GPC5: variants seen among roughly 807,000 people sequenced by gnomAD.
GPC5 encodes glypican 5.
In GPC5, 47 loss-of-function variants were observed where a neutral mutation model predicts 53.9. The ratio of observed to expected loss-of-function variants is 0.87; its 90% CI spans 0.69 to 1.11. The LOEUF is 1.11. Among genes scored for constraint, GPC5 ranks in the 50% most tolerant of loss-of-function variants. The probability of loss-of-function intolerance (pLI) is 0.00; values close to 1 mark genes in which losing one functional copy is unlikely to be tolerated. For missense variants in GPC5, 748 were observed against 713.1 expected (o/e 1.05, Z -0.56); for synonymous variants, 286 against 263.3 (o/e 1.09, Z -0.84).
At chr13:91,738,306 A>G (rs2036856587) in intron 4 of GPC5, among the ~76,000 whole-genome samples, 1 of 151,358 alleles carries the variant, frequency 6.6e-6, no homozygotes, top group Non-Finnish European at 1.5e-5. Context: ...AAAAAGTTAT[A>G]TTTTGGGGTG....
At chr13:92,037,994 G>A (rs533331763) in intron 6 of GPC5, among the ~76,000 whole-genome samples, 2 of 152,168 alleles carry the variant, frequency 1.3e-5, no homozygotes, top group East Asian at 3.9e-4. Context: ...CCGTGATAAG[G>A]GTAGATACAG....
intron 3 of GPC5, among the ~76,000 whole-genome samples, chr13:91,694,780 C>A (rs369568304): frequency 1.7e-4 from 26 of 152,124 alleles, no homozygotes; most frequent in African/African-American, 5.8e-4. Context: ...TAGCTTTAAG[C>A]AGAAAATTTT....
intron 2 of GPC5, among the ~76,000 whole-genome samples, chr13:91,534,789 G>C (rs1442692428): frequency 1.3e-5 from 2 of 151,892 alleles, no homozygotes; most frequent in African/African-American, 2.4e-5. Context: ...TTGTTTGTTT[G>C]TTTGTTTTGT....
At chr13:91,566,000 T>G (rs1307173059) in intron 2 of GPC5, among the ~76,000 whole-genome samples, 1 of 152,190 alleles carries the variant, frequency 6.6e-6, no homozygotes, top group East Asian at 1.9e-4. Flanking sequence ...GTTTGTCTTT[T>G]CTTTTAATTA....
chr13:92,347,637 T>C (rs1027054836), intron 7 of GPC5, among the ~76,000 whole-genome samples: 1 of 150,494 alleles, frequency 6.6e-6, no homozygotes, highest in Non-Finnish European at 1.5e-5. Context: ...ATATTCAGAA[T>C]ACTGAAGTAC....
At chr13:92,676,511 G>A (rs776108351) in intron 7 of GPC5, among the ~76,000 whole-genome samples, 92 of 152,144 alleles carry the variant, frequency 6.0e-4, no homozygotes, top group Non-Finnish European at 1.1e-3. Context: ...AAAGAAACAC[G>A]CAAAATTAGG....
At chr13:91,759,343 C>T (rs1459194123) in intron 5 of GPC5, among the ~76,000 whole-genome samples, 1 of 152,008 alleles carries the variant, frequency 6.6e-6, no homozygotes, top group Non-Finnish European at 1.5e-5. Context: ...AGGTACCCAT[C>T]AACTCAAGCA....
chr13:92,381,880 T>TTATATATAATATATATAATCA (rs2043745630), intron 7 of GPC5, among the ~76,000 whole-genome samples: 2 of 43,014 alleles, frequency 4.6e-5, no homozygotes, highest in African/African-American at 7.9e-5. Context: ...ATATATATGA[T>TTATATATAATATATATAATCA]TATATATATT....
intron 6 of GPC5, among the ~76,000 whole-genome samples, chr13:92,016,740 T>C (rs200503391): frequency 0.01 from 1,397 of 138,326 alleles, 21 homozygotes; most frequent in African/African-American, 0.035. Flanking sequence ...TTTTTTTTTT[T>C]CTTTTGAGCC....
chr13:92,181,799 GAA>G, intron 7 of GPC5, among the ~76,000 whole-genome samples: 1 of 152,174 alleles, frequency 6.6e-6, no homozygotes, highest in Non-Finnish European at 1.5e-5. Flanking sequence ...GCAAAATGGT[GAA>G]AAAGAGTTTG....
chr13:92,328,195 A>G (rs767969949), intron 7 of GPC5, among the ~76,000 whole-genome samples: 3 of 152,182 alleles, frequency 2.0e-5, no homozygotes, highest in Non-Finnish European at 4.4e-5. Flanking sequence ...GGCACATCAC[A>G]ATAGATCTTC....
At chr13:92,723,417 A>T (rs1888556029) in intron 7 of GPC5, among the ~76,000 whole-genome samples, 1 of 47,578 alleles carries the variant, frequency 2.1e-5, no homozygotes, top group Admixed American at 3.1e-4. Context: ...GAAAATCATG[A>T]TTTGTACTTA....
chr13:92,420,675 C>T (rs1030674270), intron 7 of GPC5, among the ~76,000 whole-genome samples: 2 of 152,084 alleles, frequency 1.3e-5, no homozygotes, highest in Non-Finnish European at 2.9e-5. Flanking sequence ...AACCATCCTT[C>T]TATTTTCCAT....
intron 6 of GPC5, among the ~76,000 whole-genome samples, chr13:91,929,579 A>C (rs1388422595): frequency 6.6e-6 from 1 of 152,006 alleles, no homozygotes; most frequent in Non-Finnish European, 1.5e-5. Flanking sequence ...TTTTCATTGA[A>C]CAGTTACTTC....
At position 92,858,790 on chromosome 13, in the gene GPC5, A is replaced by T. The variant is rs183426294; in HGVS notation, c.1562-7492A>T. On this transcript the variant is annotated intron_variant, in intron 7 of 7. Transcript: ENST00000377067. ...ACCTGTGTTACGAACCTGCACATGTACCCCATGAAACTAAGATAAAAATGG... is the reference window on the plus strand; with the variant it reads ...ACCTGTGTTACGAACCTGCACATGTTCCCCATGAAACTAAGATAAAAATGG... 2.6e-5 allele frequency among the ~76,000 whole-genome samples: 4 copies of T among 152,248 alleles called. No individual in the cohort carries two copies. The East Asian group carries it at 7.7e-4, about 29-fold the overall frequency.
At chr13:92,709,257 C>T (rs1311237235) in intron 7 of GPC5, among the ~76,000 whole-genome samples, 2 of 149,852 alleles carry the variant, frequency 1.3e-5, no homozygotes, top group East Asian at 3.9e-4. Flanking sequence ...TAGGGTTTCA[C>T]CATGTTGACC....
At chr13:92,422,045 A>G (rs2139363307) in intron 7 of GPC5, among the ~76,000 whole-genome samples, 1 of 152,250 alleles carries the variant, frequency 6.6e-6, no homozygotes, top group African/African-American at 2.4e-5. Flanking sequence ...CTAAGTGAGG[A>G]GATGTTTTTG....
chr13:92,053,957 G>A (rs1216911904), intron 6 of GPC5, among the ~76,000 whole-genome samples: 2 of 151,654 alleles, frequency 1.3e-5, no homozygotes, highest in African/African-American at 2.4e-5. Flanking sequence ...ACTTGAACCC[G>A]GGAGGCAGAG....
At chr13:92,382,212 G>T (rs138464072) in intron 7 of GPC5, among the ~76,000 whole-genome samples, 1 of 151,878 alleles carries the variant, frequency 6.6e-6, no homozygotes, top group Non-Finnish European at 1.5e-5. Flanking sequence ...TTGGGGACTT[G>T]GGGGGAAGAG....
Sources: gnomAD v4.1 joint callset for allele counts (sites outside exome capture counted in the v4.1 genomes callset) on GRCh38, gnomAD v4.1.1 for gene constraint, MANE v1.5 for transcripts, NCBI Gene and HGNC (gene_info 2026-07-23, HGNC 2026-07-21) for gene names.